The following DCLK2 variants were observed in gnomAD, a reference collection of about 807,000 sequenced individuals.
DCLK2 encodes doublecortin like kinase 2, also known as serine/threonine-protein kinase DCLK2.
Under a neutral mutation model 78.4 loss-of-function variants are expected in DCLK2, and 31 were observed. The ratio of observed to expected loss-of-function variants is 0.40; its 90% CI spans 0.30 to 0.53. DCLK2 has a LOEUF of 0.53. Among genes scored for constraint, DCLK2 ranks in the 20% least tolerant of loss-of-function variants. The pLI is 0.61. For synonymous variants in DCLK2, 407 were observed against 374.9 expected, an observed-to-expected ratio of 1.09 and a Z score of -0.99; for missense variants, 872 against 973.7, an observed-to-expected ratio of 0.90 and a Z score of 1.39.
chr4:150,153,778 C>T (rs1735065711), intron 2 of DCLK2, among the ~76,000 whole-genome samples: 1 of 151,996 alleles, frequency 6.6e-6, no homozygotes, highest in Non-Finnish European at 1.5e-5. Context: ...CAAGCACAAA[C>T]TGGTGTGAGG....
intron 2 of DCLK2, among the ~76,000 whole-genome samples, chr4:150,106,349 A>G (rs1266393719): frequency 2.6e-5 from 4 of 152,184 alleles, no homozygotes; most frequent in South Asian, 2.1e-4. Context: ...AAAAATTTCT[A>G]TGGGTATGCA....
At chr4:150,106,428 T>C (rs1420742530) in intron 2 of DCLK2, among the ~76,000 whole-genome samples, 1 of 152,202 alleles carries the variant, frequency 6.6e-6, no homozygotes, top group African/African-American at 2.4e-5. Flanking sequence ...ATTCTGAGAA[T>C]TCTCAAGGAA....
intron 2 of DCLK2, among the ~76,000 whole-genome samples, chr4:150,105,531 A>G (rs1731193204): frequency 1.3e-5 from 2 of 152,092 alleles, no homozygotes; most frequent in Admixed American, 1.3e-4. Flanking sequence ...ATGGAAGTGT[A>G]AAATTCATAA....
At chr4:150,229,222 G>C (rs1170141180) in intron 8 of DCLK2, among the ~76,000 whole-genome samples, 1 of 152,152 alleles carries the variant, frequency 6.6e-6, no homozygotes, top group Non-Finnish European at 1.5e-5. Flanking sequence ...CAGCTACTCA[G>C]GAGGCTGAGG....
intron 10 of DCLK2, among the ~76,000 whole-genome samples, chr4:150,235,009 G>C (rs1351294847): frequency 6.6e-6 from 1 of 152,168 alleles, no homozygotes; most frequent in East Asian, 1.9e-4. Flanking sequence ...CATTCATAAG[G>C]ATACCCCCTT....
chr4:150,186,894 A>ATGTGTGTGTGTGTGTGTGTG (rs10683241), intron 2 of DCLK2, among the ~76,000 whole-genome samples: 1 of 147,498 alleles, frequency 6.8e-6, no homozygotes, highest in African/African-American at 2.5e-5. Flanking sequence ...CTATCTCAAA[A>ATGTGTGTGTGTGTGTGTGTG]TGTGTGTGTG....
At chr4:150,177,257 T>C (rs1418080905) in intron 2 of DCLK2, among the ~76,000 whole-genome samples, 1 of 152,202 alleles carries the variant, frequency 6.6e-6, no homozygotes, top group Non-Finnish European at 1.5e-5. Context: ...AGCTTAGATA[T>C]AGCTCCAACC....
chr4:150,244,990 T>C (rs1743197125), intron 12 of DCLK2, among the ~76,000 whole-genome samples: 1 of 150,950 alleles, frequency 6.6e-6, no homozygotes, highest in South Asian at 2.1e-4. Flanking sequence ...GGGAGTTGAG[T>C]GGAATAATAG....
intron 2 of DCLK2, among the ~76,000 whole-genome samples, chr4:150,126,254 C>T (rs1373930643): frequency 1.1e-4 from 16 of 152,126 alleles, no homozygotes; most frequent in Non-Finnish European, 2.9e-5. Flanking sequence ...TATTTTGTGC[C>T]TATTCTATGG....
At chr4:150,135,165 TAC>T (rs57866267) in intron 2 of DCLK2, among the ~76,000 whole-genome samples, 254 of 146,762 alleles carry the variant, frequency 1.7e-3, no homozygotes, top group South Asian at 3.0e-3. Flanking sequence ...CATACACGTG[TAC>T]ACACACACAC....
At chr4:150,149,331 A>C (rs1734723117) in intron 2 of DCLK2, among the ~76,000 whole-genome samples, 1 of 152,214 alleles carries the variant, frequency 6.6e-6, no homozygotes. Context: ...ATAATTAAAT[A>C]ATGTTGTCAG....
intron 2 of DCLK2, among the ~76,000 whole-genome samples, chr4:150,110,748 T>C (rs1731628591): frequency 6.6e-6 from 1 of 152,210 alleles, no homozygotes; most frequent in South Asian, 2.1e-4. Context: ...TGGTTTTCTA[T>C]TCCTGAGTTA....
At chr4:150,165,722 G>C (rs1256774891) in intron 2 of DCLK2, among the ~76,000 whole-genome samples, 1 of 152,210 alleles carries the variant, frequency 6.6e-6, no homozygotes, top group Non-Finnish European at 1.5e-5. Flanking sequence ...GTGTTACCTA[G>C]GTTCATTTTA....
At chr4:150,156,483 A>AAAATATAT (rs1735277783) in intron 2 of DCLK2, among the ~76,000 whole-genome samples, 2 of 143,102 alleles carry the variant, frequency 1.4e-5, no homozygotes, top group Non-Finnish European at 3.0e-5. Flanking sequence ...CGTCTCTACC[A>AAAATATAT]AAATAAATAA....
intron 2 of DCLK2, among the ~76,000 whole-genome samples, chr4:150,150,061 AT>A (rs1236269895): frequency 1.3e-5 from 2 of 152,140 alleles, no homozygotes; most frequent in Non-Finnish European, 2.9e-5. Context: ...AATGGAGGTT[AT>A]TTTCCCCCCC....
In DCLK2 at chr4:150,153,621, C is replaced by T. The variant is rs571468795; in HGVS notation, c.757-39517C>T. 3.9e-5 allele frequency among the ~76,000 whole-genome samples: 6 copies of T among 151,982 alleles called. No homozygotes were observed. The South Asian group carries it at 1.2e-3, about 32-fold the overall frequency. ...TAGAGACGGGGTTTTTTCCATGTTG[C>T]CCAGGCTGGTCTTGACCTCCTGGGC... is the stretch of plus-strand genomic sequence containing the variant. On this transcript the variant is annotated intron_variant, in intron 2 of 15. Transcript: ENST00000296550.
chr4:150,088,689 C>G (rs1729823536), intron 1 of DCLK2, among the ~76,000 whole-genome samples: 1 of 152,120 alleles, frequency 6.6e-6, no homozygotes, highest in African/African-American at 2.4e-5. Context: ...AAATCTGAAA[C>G]TTTTTGAGTA....
At chr4:150,241,651 A>G (rs998182999) in intron 12 of DCLK2, among the ~76,000 whole-genome samples, 1 of 152,210 alleles carries the variant, frequency 6.6e-6, no homozygotes, top group Non-Finnish European at 1.5e-5. Context: ...AATATCATAT[A>G]CAGTGTGGCT....
Position 150,079,035 on chromosome 4 carries a change from G to C in DCLK2, c.8G>C (p.Ser3Thr), listed in dbSNP as rs755348043. 1.3e-6 allele frequency: 2 copies of C among 1,537,334 alleles called. No individual in the cohort carries two copies. Among genetic ancestry groups the C allele is most frequent in the Non-Finnish European group, 8.7e-7 (1 of 1,147,470 alleles). MA[S>T]TRSIELEHFE... ...GCCCTCGGAGCAGCCGCGATGGCCAGCACCAGGAGTATCGAGCTGGAGCAC... is the reference window on the plus strand; with the variant it reads ...GCCCTCGGAGCAGCCGCGATGGCCACCACCAGGAGTATCGAGCTGGAGCAC... Residue 3 changes from serine to threonine, a missense_variant, in exon 1 of 16, where the codon AGC becomes ACC. Ser to Thr is a moderately conservative substitution (Grantham distance 58, BLOSUM62 1). Transcript: ENST00000296550.
Sources: allele counts gnomAD v4.1 joint callset (sites outside exome capture counted in the v4.1 genomes callset), GRCh38; gene constraint gnomAD v4.1.1; transcripts MANE v1.5; gene names NCBI Gene and HGNC (gene_info 2026-07-23, HGNC 2026-07-21).